The following BEND5 variants were observed in gnomAD, a reference collection of about 807,000 sequenced individuals.
The protein encoded by BEND5 is BEN domain containing 5.
BEND5 carries 22 observed loss-of-function variants against 43.9 expected under a neutral mutation model. The observed-to-expected ratio is 0.50, with a 90% CI of 0.36 to 0.72. The LOEUF (loss-of-function observed/expected upper bound fraction) is 0.72, where lower values mean the gene tolerates loss of function less well. Among genes scored for constraint, BEND5 ranks in the 30% least tolerant of loss-of-function variants. BEND5 has a pLI of 0.00. For synonymous variants in BEND5, 228 were observed against 225.9 expected (o/e 1.01, Z -0.08); for missense variants, 428 against 550.6 (o/e 0.78, Z 2.23).
intron 1 of BEND5, among the ~76,000 whole-genome samples, chr1:48,767,774 T>TA (rs1644600799): frequency 6.6e-6 from 1 of 152,188 alleles, no homozygotes; most frequent in African/African-American, 2.4e-5. Flanking sequence ...CCTCTGAAGA[T>TA]AAAATCACCA....
chr1:48,760,622 A>G (rs561589038), intron 2 of BEND5, among the ~76,000 whole-genome samples: 1 of 152,218 alleles, frequency 6.6e-6, no homozygotes, highest in Non-Finnish European at 1.5e-5. Flanking sequence ...GGCCAGGCGC[A>G]TAGCAGGAGT....
chr1:48,735,197 T>A (rs1262101145), intron 5 of BEND5, among the ~76,000 whole-genome samples: 1 of 152,096 alleles, frequency 6.6e-6, no homozygotes, highest in Non-Finnish European at 1.5e-5. Context: ...AATTAGCAAC[T>A]ACTTTATTCT....
At chr1:48,761,515 G>C in intron 1 of BEND5, 45 bp from the exon 2 acceptor site, 3 of 1,524,272 alleles carry the variant, frequency 2.0e-6, no homozygotes, top group Non-Finnish European at 2.6e-6. Context: ...GAGTTAAAAT[G>C]AGTCATTATG....
At chr1:48,772,875 T>C (rs752442584) in intron 1 of BEND5, among the ~76,000 whole-genome samples, 2 of 152,184 alleles carry the variant, frequency 1.3e-5, no homozygotes, top group African/African-American at 2.4e-5. Context: ...ATTCTCTGTG[T>C]TTCCCCAGTG....
In BEND5 at chr1:48,727,891, G is replaced by A. The variant is rs1256609976; in HGVS notation, c.1261C>T (p.Gln421Ter). ...CTTTATGAAAAATCCAAAGTTTATT[G>A]CAAATTGTATTTTGCTTCCCTTCGT... ...EERREAKYNL[Q>*] The change falls in exon 6 of 6, where the codon CAA (glutamine) becomes TAA (stop). Residue 421 changes from glutamine (Q) to a stop codon, truncating the protein, a stop_gained. Coordinates refer to ENST00000371833, the MANE Select transcript of BEND5 (RefSeq NM_024603.4). LOFTEE classifies it high-confidence loss of function. 1.9e-6 allele frequency: 3 copies of A among 1,601,514 alleles called. No individual in the cohort carries two copies. Among genetic ancestry groups the A allele is most frequent in the Non-Finnish European group, 1.7e-6 (2 of 1,172,176 alleles).
chr1:48,760,370 A>G (rs931556865), intron 2 of BEND5, among the ~76,000 whole-genome samples: 15 of 152,180 alleles, frequency 9.9e-5, no homozygotes, highest in African/African-American at 3.6e-4. Flanking sequence ...AGGCAGTTCT[A>G]AGTTTCAGGA....
intron 5 of BEND5, among the ~76,000 whole-genome samples, chr1:48,733,018 GACCTTGGTGA>G (rs1360830474): frequency 2.6e-5 from 4 of 152,162 alleles, no homozygotes; most frequent in African/African-American, 9.7e-5. Context: ...AGTCACTGGG[GACCTTGGTGA>G]AAACACATTA....
chr1:48,746,338 C>T (rs1381858616), intron 3 of BEND5, among the ~76,000 whole-genome samples: 1 of 152,154 alleles, frequency 6.6e-6, no homozygotes, highest in Non-Finnish European at 1.5e-5. Context: ...GAAACAGAGG[C>T]CCTGCTGTTC....
intron 1 of BEND5, among the ~76,000 whole-genome samples, chr1:48,772,318 G>A (rs1473286118): frequency 1.3e-5 from 2 of 152,192 alleles, no homozygotes; most frequent in Non-Finnish European, 2.9e-5. Flanking sequence ...ACTGAAGCAA[G>A]GTCTCCAAAT....
At chr1:48,735,331 C>A (rs1250178012) in intron 5 of BEND5, among the ~76,000 whole-genome samples, 2 of 152,070 alleles carry the variant, frequency 1.3e-5, no homozygotes, top group Admixed American at 6.6e-5. Flanking sequence ...CTGTGTCTTA[C>A]CCCTCTTTGT....
At chr1:48,747,086 CT>C (rs1650887508) in intron 3 of BEND5, among the ~76,000 whole-genome samples, 1 of 152,168 alleles carries the variant, frequency 6.6e-6, no homozygotes, top group Non-Finnish European at 1.5e-5. Context: ...TGCTGTTTTG[CT>C]TTTAAAAAAT....
At chr1:48,761,563 A>T (rs1251928180) in intron 1 of BEND5, 93 bp from the exon 2 acceptor site, 1 of 1,319,342 alleles carries the variant, frequency 7.6e-7, no homozygotes, top group African/African-American at 1.5e-5. Context: ...CTAGAAAATA[A>T]TTGAGGCCAG....
chr1:48,748,730 G>A (rs1390931199), intron 3 of BEND5, among the ~76,000 whole-genome samples: 3 of 152,106 alleles, frequency 2.0e-5, no homozygotes, highest in Non-Finnish European at 2.9e-5. Context: ...GATCACTGCC[G>A]GTTAAGGGAT....
chr1:48,769,000 A>G (rs532684258), intron 1 of BEND5, among the ~76,000 whole-genome samples: 2 of 152,324 alleles, frequency 1.3e-5, no homozygotes, highest in South Asian at 4.1e-4. Flanking sequence ...GCAGAAAGAC[A>G]TCAGGAGACA....
At chr1:48,771,966 A>G (rs1644858495) in intron 1 of BEND5, among the ~76,000 whole-genome samples, 1 of 152,240 alleles carries the variant, frequency 6.6e-6, no homozygotes, top group Non-Finnish European at 1.5e-5. Flanking sequence ...ATCCTACGGC[A>G]GGTTTCTGTT....
intron 5 of BEND5, among the ~76,000 whole-genome samples, chr1:48,729,793 G>C (rs1338141177): frequency 6.6e-6 from 1 of 151,662 alleles, no homozygotes; most frequent in African/African-American, 2.4e-5. Context: ...TTTGCAAAGA[G>C]AAGCCTTTAA....
intron 3 of BEND5, among the ~76,000 whole-genome samples, chr1:48,753,094 C>T (rs1332367589): frequency 6.6e-6 from 1 of 152,210 alleles, no homozygotes; most frequent in East Asian, 1.9e-4. Context: ...ATCATTCACT[C>T]TCTTGTACAG....
intron 5 of BEND5, among the ~76,000 whole-genome samples, chr1:48,732,477 G>C (rs1648297773): frequency 6.6e-6 from 1 of 151,676 alleles, no homozygotes; most frequent in Non-Finnish European, 1.5e-5. Context: ...AAATTAACAA[G>C]TAAAAAAAGT....
chr1:48,761,094 C>A (rs1357761343), intron 2 of BEND5: 7 of 455,386 alleles, frequency 1.5e-5, no homozygotes, highest in Non-Finnish European at 2.4e-5. Context: ...AGCGATGACA[C>A]TGCACAGACT....
Sources: allele counts gnomAD v4.1 joint callset (sites outside exome capture counted in the v4.1 genomes callset), GRCh38; gene constraint gnomAD v4.1.1; transcripts MANE v1.5; gene names NCBI Gene and HGNC (gene_info 2026-07-23, HGNC 2026-07-21).